The following RIT2 variants were observed in gnomAD, a reference collection of about 807,000 sequenced individuals.
RIT2 encodes the protein GTP-binding protein Rit2.
Under a neutral mutation model 23.7 loss-of-function variants are expected in RIT2, and 24 were observed. The ratio of observed to expected loss-of-function variants is 1.01; its 90% CI spans 0.73 to 1.43. The LOEUF (loss-of-function observed/expected upper bound fraction) is 1.43, where lower values mean the gene tolerates loss of function less well. Among genes scored for constraint, RIT2 ranks in the 40% most tolerant of loss-of-function variants. The probability of loss-of-function intolerance (pLI) is 0.00; values close to 1 mark genes in which losing one functional copy is unlikely to be tolerated. For missense variants in RIT2, 236 were observed against 266.9 expected (o/e 0.88, Z 0.81); for synonymous variants, 107 against 91.1 (o/e 1.17, Z -0.99).
At chr18:42,965,974 T>C (rs1910213700) in intron 3 of RIT2, among the ~76,000 whole-genome samples, 1 of 152,042 alleles carries the variant, frequency 6.6e-6, no homozygotes, top group Non-Finnish European at 1.5e-5. Flanking sequence ...AGCATAATGC[T>C]AGGATCACTC....
intron 2 of RIT2, among the ~76,000 whole-genome samples, chr18:43,009,780 C>G (rs534412545): frequency 6.6e-6 from 1 of 151,668 alleles, no homozygotes; most frequent in Non-Finnish European, 1.5e-5. Context: ...TCTGATGCAG[C>G]GTTGAGAATG....
intron 4 of RIT2, among the ~76,000 whole-genome samples, chr18:42,777,222 T>C (rs1238419743): frequency 1.3e-5 from 2 of 150,786 alleles, no homozygotes; most frequent in Admixed American, 1.3e-4. Context: ...AAATAAAATA[T>C]TAAGCCTTCC....
At chr18:42,795,629 A>C (rs1905326638) in intron 4 of RIT2, among the ~76,000 whole-genome samples, 1 of 152,228 alleles carries the variant, frequency 6.6e-6, no homozygotes, top group Admixed American at 6.5e-5. Flanking sequence ...GCGGCACGGG[A>C]CTGGCAGGCA....
intron 1 of RIT2, among the ~76,000 whole-genome samples, chr18:43,064,690 C>A (rs1912729756): frequency 6.6e-6 from 1 of 152,068 alleles, no homozygotes; most frequent in Non-Finnish European, 1.5e-5. Context: ...GGACACTTTT[C>A]AAAATAAATC....
At chr18:43,080,847 C>T (rs1913141161) in intron 1 of RIT2, among the ~76,000 whole-genome samples, 1 of 152,124 alleles carries the variant, frequency 6.6e-6, no homozygotes, top group Admixed American at 6.6e-5. Flanking sequence ...GTATGCTTTC[C>T]ACAGGGTTTG....
At chr18:42,869,694 T>A (rs948543335) in intron 4 of RIT2, among the ~76,000 whole-genome samples, 1 of 152,312 alleles carries the variant, frequency 6.6e-6, no homozygotes, top group African/African-American at 2.4e-5. Flanking sequence ...GTTTCGGATA[T>A]AGCCCATTTG....
chr18:43,006,178 A>G (rs1354928764), intron 2 of RIT2, among the ~76,000 whole-genome samples: 1 of 151,798 alleles, frequency 6.6e-6, no homozygotes, highest in African/African-American at 2.4e-5. Flanking sequence ...GCTGTATAGT[A>G]GTACAATTTT....
intron 2 of RIT2, among the ~76,000 whole-genome samples, chr18:43,030,430 C>G (rs1213444323): frequency 6.6e-6 from 1 of 151,858 alleles, no homozygotes; most frequent in Non-Finnish European, 1.5e-5. Flanking sequence ...GGTTGATGCC[C>G]AAGAAAGAAG....
chr18:42,934,443 G>A (rs1230820243), intron 3 of RIT2, among the ~76,000 whole-genome samples: 3 of 152,158 alleles, frequency 2.0e-5, no homozygotes, highest in Non-Finnish European at 2.9e-5. Context: ...GGAAAAATAT[G>A]GGGATAATGG....
intron 1 of RIT2, among the ~76,000 whole-genome samples, chr18:43,067,126 T>C (rs1181763028): frequency 6.6e-6 from 1 of 151,670 alleles, no homozygotes; most frequent in Admixed American, 6.6e-5. Context: ...ACAACATGAG[T>C]GATAGAGATG....
chr18:43,053,681 T>G (rs1342708738), intron 1 of RIT2, among the ~76,000 whole-genome samples: 1 of 152,056 alleles, frequency 6.6e-6, no homozygotes, highest in Non-Finnish European at 1.5e-5. Context: ...ATTTGATTAT[T>G]AAAATGTTAG....
At chr18:42,835,217 T>C (rs895773501) in intron 4 of RIT2, among the ~76,000 whole-genome samples, 2 of 152,120 alleles carry the variant, frequency 1.3e-5, no homozygotes, top group Non-Finnish European at 2.9e-5. Flanking sequence ...TTGCTAAATG[T>C]GTAGATTATG....
At chr18:43,022,626 C>T (rs1216847746) in intron 2 of RIT2, among the ~76,000 whole-genome samples, 3 of 152,010 alleles carry the variant, frequency 2.0e-5, no homozygotes, top group Non-Finnish European at 4.4e-5. Flanking sequence ...ATATTAACCT[C>T]CTGACATTTA....
chr18:42,959,735 G>T (rs992031937), intron 3 of RIT2, among the ~76,000 whole-genome samples: 1 of 152,178 alleles, frequency 6.6e-6, no homozygotes, highest in Non-Finnish European at 1.5e-5. Context: ...ATTGCACTAT[G>T]AACCATTGCT....
chr18:42,942,404 C>T (rs1477964295), intron 3 of RIT2, among the ~76,000 whole-genome samples: 5 of 152,106 alleles, frequency 3.3e-5, no homozygotes, highest in African/African-American at 1.2e-4. Flanking sequence ...TATCTTGCCT[C>T]CTGGAATATT....
At chr18:43,107,188 G>GAT (rs1289445643) in intron 1 of RIT2, among the ~76,000 whole-genome samples, 1 of 152,158 alleles carries the variant, frequency 6.6e-6, no homozygotes, top group African/African-American at 2.4e-5. Context: ...TCATGCTCTA[G>GAT]AAAGTCAGGA....
At chr18:42,821,961 G>A (rs1022363073) in intron 4 of RIT2, among the ~76,000 whole-genome samples, 1 of 152,130 alleles carries the variant, frequency 6.6e-6, no homozygotes, top group African/African-American at 2.4e-5. Context: ...CTTAAAATGG[G>A]AGGAAGGAGA....
At chr18:42,805,719 C>A (rs776462776) in intron 4 of RIT2, among the ~76,000 whole-genome samples, 1 of 152,140 alleles carries the variant, frequency 6.6e-6, no homozygotes, top group Non-Finnish European at 1.5e-5. Context: ...CTACCCAGCT[C>A]ATAAGACAAA....
In RIT2 at chr18:42,885,307, C is replaced by T. The variant is rs553457316; in HGVS notation, c.426+38265G>A. 2.8e-4 allele frequency among the ~76,000 whole-genome samples: 42 copies of T among 152,258 alleles called. 1 individual carries two copies. In the South Asian group the frequency reaches 7.9e-3, roughly 29 times the overall value. On this transcript the variant is annotated intron_variant, in intron 4 of 4. Coordinates refer to ENST00000326695, the MANE Select transcript of RIT2 (RefSeq NM_002930.4). Reference sequence around the variant, plus strand: ...TAGTTAAAGAATTGTCAATTAGGGCCAGGCACAGTGGCTCACGCCCCTAAT... The same window carrying T: ...TAGTTAAAGAATTGTCAATTAGGGCTAGGCACAGTGGCTCACGCCCCTAAT...
Sources: allele counts gnomAD v4.1 joint callset (sites outside exome capture counted in the v4.1 genomes callset), GRCh38; gene constraint gnomAD v4.1.1; transcripts MANE v1.5; gene names NCBI Gene and HGNC (gene_info 2026-07-23, HGNC 2026-07-21).